Variants in PDHA1 observed in about 807,000 individuals in gnomAD.
PDHA1 encodes the protein pyruvate dehydrogenase E1 component subunit alpha, somatic form, mitochondrial.
PDHA1 carries 1 observed loss-of-function variant against 33.0 expected under a neutral mutation model. The observed-to-expected ratio is 0.03, with a 90% CI of 0.01 to 0.14. PDHA1 has a LOEUF of 0.14. Among genes scored for constraint, PDHA1 ranks in the 10% least tolerant of loss-of-function variants. PDHA1 has a pLI of 1.00. For missense variants in PDHA1, 168 were observed against 325.1 expected (o/e 0.52, Z 3.72); for synonymous variants, 123 against 119.2 (o/e 1.03, Z -0.21).
rs146055754 is a variant in PDHA1 at position 19,358,632 on chromosome X, C to T, written c.900-284C>T. ...CAAGCAAAAACTTGGCCCCTGTTGT[C>T]GGAATGCCAGGGAAGCCATGTGACT... is the stretch of plus-strand genomic sequence containing the variant. On this transcript the variant is annotated intron_variant, in intron 9 of 10. Transcript: ENST00000422285. 1.9e-3 allele frequency among the ~76,000 whole-genome samples: 212 copies of T among 111,801 alleles called. 1 individual carries two copies. Among genetic ancestry groups the T allele is most frequent in the African/African-American group, 6.1e-3 (187 of 30,807 alleles).
At chrX:19,358,329 C>CTTTGTGTAAATCTA (rs1304010522) in intron 9 of PDHA1, among the ~76,000 whole-genome samples, 1 of 112,035 alleles carries the variant, frequency 8.9e-6, no homozygotes, top group East Asian at 2.8e-4. Context: ...GAAAAATGCA[C>CTTTGTGTAAATCTA]TTTGTGTAAA....
intron 1 of PDHA1, 76 bp downstream of exon 1, chrX:19,344,170 C>T (rs902167540): frequency 4.2e-6 from 4 of 943,044 alleles, no homozygotes; most frequent in African/African-American, 1.9e-5. Context: ...CGGGCCAGGC[C>T]GGGCCACCCA....
chrX:19,346,548 C>A, intron 1 of PDHA1: 1 of 667,743 alleles, frequency 1.5e-6, no homozygotes, highest in Non-Finnish European at 2.2e-6. Flanking sequence ...TGGTCTCCAT[C>A]TCCAGGCTCA....
chrX:19,356,223 T>G (rs1330166468), intron 8 of PDHA1, among the ~76,000 whole-genome samples: 1 of 111,985 alleles, frequency 8.9e-6, no homozygotes, highest in Non-Finnish European at 1.9e-5. Flanking sequence ...CTTTCCCTTT[T>G]CAGTGTATGG....
rs753918398 is a variant in PDHA1 at position 19,358,715 on chromosome X, C to T, written c.900-201C>T. Among the ~76,000 whole-genome samples the T allele has an allele frequency of 3.6e-5, 4 of 111,866 alleles. No individual in the cohort carries two copies. In the East Asian group the frequency reaches 8.4e-4, roughly 24 times the overall value. On this transcript the variant is annotated intron_variant, in intron 9 of 10. Transcript: ENST00000422285. ...GCAGTTATTACAGAATGTTAGGCTG[C>T]GTTCTGGTATTTTGAAAGTATAACA...
intron 4 of PDHA1, 25 bp downstream of exon 4, chrX:19,351,432 G>A (rs2063162459): frequency 1.7e-6 from 2 of 1,147,518 alleles, no homozygotes; most frequent in South Asian, 1.8e-5. Flanking sequence ...TACAGAAAGG[G>A]GAAATGAGTG....
chrX:19,359,087 C>A, intron 10 of PDHA1, 63 bp downstream of exon 10: 1 of 676,051 alleles, frequency 1.5e-6, no homozygotes, highest in Non-Finnish European at 2.4e-6. Flanking sequence ...CCTGGGTGGC[C>A]ACAGAGTTTG....
chrX:19,349,780 T>C (rs1348143796), intron 2 of PDHA1, among the ~76,000 whole-genome samples, 157 bp from the exon 3 acceptor site: 1 of 112,105 alleles, frequency 8.9e-6, no homozygotes, highest in Non-Finnish European at 1.9e-5. Context: ...GTGAGGTTTA[T>C]GGATTTAAGG....
chrX:19,359,752 A>G lies in PDHA1; in HGVS notation c.*99A>G, dbSNP rs1233840026. 1.2e-6 allele frequency: 1 copy of G among 814,449 alleles called. No individual in the cohort carries two copies. Among genetic ancestry groups the G allele is most frequent in the East Asian group, 3.2e-5 (1 of 31,257 alleles). The allele number at this position is 814,449 out of a possible 1,213,427, so 67.1% of individuals were successfully genotyped here. ...AACCCAGTCAATGAAATTCAATGAA[A>G]TTCTTGGAAACTTCCATTAAGTGTG... On this transcript the variant is annotated 3_prime_UTR_variant, in exon 11 of 11. Transcript: ENST00000422285.
Position 19,358,905 on chromosome X carries a change from C to T in PDHA1, c.900-11C>T. 2.8e-6 allele frequency: 3 copies of T among 1,054,470 alleles called. No individual in the cohort carries two copies. Among genetic ancestry groups the T allele is most frequent in the Non-Finnish European group, 2.7e-6 (2 of 752,085 alleles). 86.9% of individuals were successfully genotyped at this position (1,054,470 alleles called of 1,213,427 possible). A position where few individuals can be genotyped will look rare whatever the true frequency, so the allele number is the denominator to read the frequency against. On this transcript the variant is annotated splice_polypyrimidine_tract_variant and intron_variant, in intron 9 of 10. Transcript: ENST00000422285. ...TCTTACTGATCGATTACTACTTTTCCCTCCCCATAGTTACCGTACACGAGA... is the reference window on the plus strand; with the variant it reads ...TCTTACTGATCGATTACTACTTTTCTCTCCCCATAGTTACCGTACACGAGA...
rs889620474 is a variant in PDHA1 at position 19,361,268 on chromosome X, T to C, written c.*1615T>C. ...TTTGGGGGGAGGCCCAGCCCTTTGT[T>C]TTCTGCTCTTGAAGCATATTCACAC... On this transcript the variant is annotated 3_prime_UTR_variant, in exon 11 of 11. Coordinates refer to ENST00000422285, the MANE Select transcript of PDHA1 (RefSeq NM_000284.4). 3.3e-6 allele frequency: 3 copies of C among 917,886 alleles called. No homozygotes were observed. The African/African-American group carries it at 5.9e-5, about 18-fold the overall frequency. The allele number at this position is 917,886 out of a possible 1,213,427, so 75.6% of individuals were successfully genotyped here.
chrX:19,352,381 C>A (rs1454460967), intron 4 of PDHA1, among the ~76,000 whole-genome samples: 1 of 109,234 alleles, frequency 9.2e-6, no homozygotes, highest in Non-Finnish European at 1.9e-5. Flanking sequence ...ATTATAGGTG[C>A]CCAACCACCA....
intron 8 of PDHA1, chrX:19,357,239 C>T (rs965863980): frequency 5.0e-5 from 11 of 219,012 alleles, no homozygotes; most frequent in Non-Finnish European, 7.6e-5. Context: ...GGACTACAGG[C>T]GCACGCCACC....
At chrX:19,349,082 C>T (rs1433779616) in intron 1 of PDHA1, among the ~76,000 whole-genome samples, 2 of 111,899 alleles carry the variant, frequency 1.8e-5, no homozygotes, top group Non-Finnish European at 3.8e-5. Context: ...CCCCTCTTTG[C>T]GCTGCTTGCC....
chrX:19,355,996 G>A (rs1374809930), intron 8 of PDHA1, among the ~76,000 whole-genome samples: 1 of 111,944 alleles, frequency 8.9e-6, no homozygotes, highest in African/African-American at 3.3e-5. Context: ...GCTTTGGCCT[G>A]TCTTCATGAC....
At chrX:19,359,080 G>C (rs761246027) in intron 10 of PDHA1, 56 bp downstream of exon 10, 287 of 713,252 alleles carry the variant, frequency 4.0e-4, no homozygotes, top group Non-Finnish European at 5.9e-4. Flanking sequence ...TGCCACCCCT[G>C]GGTGGCCACA....
intron 8 of PDHA1, among the ~76,000 whole-genome samples, chrX:19,356,993 T>A (rs1279029667): frequency 8.9e-6 from 1 of 112,088 alleles, no homozygotes; most frequent in Non-Finnish European, 1.9e-5. Flanking sequence ...GCAGAGGTTG[T>A]TGGTGCCTGC....
chrX:19,359,693 A>AGAC lies in PDHA1; in HGVS notation c.*41_*43dup. 8.9e-7 allele frequency: 1 copy of AGAC among 1,129,547 alleles called. No individual in the cohort carries two copies. Among genetic ancestry groups the AGAC allele is most frequent in the Non-Finnish European group, 1.2e-6 (1 of 820,838 alleles). 93.1% of individuals were successfully genotyped at this position (1,129,547 alleles called of 1,213,427 possible). A position where few individuals can be genotyped will look rare whatever the true frequency, so the allele number is the denominator to read the frequency against. On this transcript the variant is annotated 3_prime_UTR_variant, in exon 11 of 11. Coordinates refer to ENST00000422285, the MANE Select transcript of PDHA1 (RefSeq NM_000284.4). ...GAGGTTATACCTTCAGGGGGCTACC[A>AGAC]GACAGTGTTCTCAACTTGGTTAAGG...
Position 19,360,761 on chromosome X carries a change from T to C in PDHA1, c.*1108T>C. 8.3e-7 allele frequency: 1 copy of C among 1,208,053 alleles called. No individual in the cohort carries two copies. Among genetic ancestry groups the C allele is most frequent in the African/African-American group, 1.7e-5 (1 of 57,644 alleles). On this transcript the variant is annotated 3_prime_UTR_variant, in exon 11 of 11. Coordinates refer to ENST00000422285, the MANE Select transcript of PDHA1 (RefSeq NM_000284.4). ...TAGCTGATTGGTATCAAGCCTTGTC[T>C]TTGGTTTCTGAGGCCTCCTGAGCCC...
Sources: allele counts gnomAD v4.1 joint callset (sites outside exome capture counted in the v4.1 genomes callset), GRCh38; gene constraint gnomAD v4.1.1; transcripts MANE v1.5; gene names NCBI Gene and HGNC (gene_info 2026-07-23, HGNC 2026-07-21).